Variants in TAF4B observed in about 807,000 individuals in gnomAD.
The protein encoded by TAF4B is TATA-box binding protein associated factor 4b, also known as transcription initiation factor TFIID subunit 4B.
Under a neutral mutation model 86.4 loss-of-function variants are expected in TAF4B, and 38 were observed. The ratio of observed to expected loss-of-function variants is 0.44; its 90% CI spans 0.34 to 0.58. TAF4B has a LOEUF of 0.58. Ranked by LOEUF, TAF4B falls within the 20% of genes least tolerant of loss-of-function variation. The pLI is 0.02. For synonymous variants in TAF4B, 388 were observed against 391.2 expected (o/e 0.99, Z 0.10); for missense variants, 988 against 1,027.6 (o/e 0.96, Z 0.53).
At chr18:26,232,330 G>A (rs1210098864) in intron 1 of TAF4B, among the ~76,000 whole-genome samples, 1 of 152,146 alleles carries the variant, frequency 6.6e-6, no homozygotes, top group Non-Finnish European at 1.5e-5. Context: ...TGCAGTTGTA[G>A]TGTCCTCTGG....
At chr18:26,319,365 G>A (rs1016312055) in intron 10 of TAF4B, among the ~76,000 whole-genome samples, 1 of 150,766 alleles carries the variant, frequency 6.6e-6, no homozygotes, top group African/African-American at 2.4e-5. Context: ...GTGTGGTGGC[G>A]CTTGCCTATA....
At chr18:26,250,876 G>T (rs1403111087) in intron 1 of TAF4B, among the ~76,000 whole-genome samples, 1 of 152,198 alleles carries the variant, frequency 6.6e-6, no homozygotes, top group Non-Finnish European at 1.5e-5. Flanking sequence ...CAAATCAGCT[G>T]TGTAAATGGA....
intron 9 of TAF4B, among the ~76,000 whole-genome samples, chr18:26,297,596 T>C (rs2056679456): frequency 6.6e-6 from 1 of 152,226 alleles, no homozygotes; most frequent in African/African-American, 2.4e-5. Flanking sequence ...ATACAGTTCA[T>C]GTTGTGTCTG....
At chr18:26,386,271 T>G (rs534369700) in intron 14 of TAF4B, among the ~76,000 whole-genome samples, 4 of 152,300 alleles carry the variant, frequency 2.6e-5, no homozygotes, top group African/African-American at 9.6e-5. Context: ...AAACATGAAC[T>G]GTGACCCCTT....
intron 11 of TAF4B, among the ~76,000 whole-genome samples, chr18:26,322,787 G>C (rs1436040691): frequency 6.6e-6 from 1 of 151,764 alleles, no homozygotes; most frequent in East Asian, 1.9e-4. Context: ...TTCAGGCTTA[G>C]TTTGCTCTTC....
chr18:26,261,238 G>A, intron 1 of TAF4B, among the ~76,000 whole-genome samples: 1 of 131,064 alleles, frequency 7.6e-6, no homozygotes, highest in Non-Finnish European at 1.6e-5. Flanking sequence ...CTGGAGTGCA[G>A]TGGCGGGATC....
intron 1 of TAF4B, among the ~76,000 whole-genome samples, chr18:26,240,354 T>C (rs1403585575): frequency 2.5e-4 from 38 of 152,242 alleles, no homozygotes; most frequent in Admixed American, 5.9e-4. Flanking sequence ...CAATTGTGAA[T>C]GGGAGTTCCC....
At chr18:26,296,560 T>A (rs1000084163) in intron 9 of TAF4B, among the ~76,000 whole-genome samples, 20 of 152,116 alleles carry the variant, frequency 1.3e-4, no homozygotes, top group African/African-American at 4.8e-4. Context: ...CTTTATAGTT[T>A]GGAGTTTGGG....
chr18:26,355,877 CA>C (rs1028913841), intron 13 of TAF4B, among the ~76,000 whole-genome samples: 22 of 152,238 alleles, frequency 1.4e-4, no homozygotes, highest in African/African-American at 5.3e-4. Context: ...AGGCCAGCAG[CA>C]ACAAGAGATA....
chr18:26,286,110 G>A lies in TAF4B; in HGVS notation c.1201G>A (p.Gly401Ser). The change falls in exon 7 of 15, where the codon GGT (glycine) becomes AGT (serine). Residue 401 changes from glycine to serine, a missense_variant. Physicochemically the swap from Gly to Ser is moderately conservative, Grantham distance 56. Coordinates refer to ENST00000269142, the MANE Select transcript of TAF4B (RefSeq NM_005640.3). ...VSVQTLNPLA[G>S]PVGAKAGVVT... ...AGTGCAAACTTTGAACCCACTTGCT[G>A]GTCCAGTGGGAGCAAAAGCTGGAGT... 3 of 1,614,206 alleles carry A rather than the reference G, an allele frequency of 1.9e-6. No individual in the cohort carries two copies. The highest frequency in any genetic ancestry group is 2.5e-6 in the Non-Finnish European group (3 of 1,180,026).
chr18:26,365,420 G>A (rs1239832255), intron 14 of TAF4B, among the ~76,000 whole-genome samples: 3 of 152,182 alleles, frequency 2.0e-5, no homozygotes, highest in Non-Finnish European at 4.4e-5. Context: ...TTTTCAGCAG[G>A]CAGCAGAAGC....
Position 26,274,814 on chromosome 18 carries a change from A to G in TAF4B, c.749A>G (p.Asn250Ser), listed in dbSNP as rs2056363698. 1 of 1,614,174 alleles carries G rather than the reference A, an allele frequency of 6.2e-7. No individual in the cohort carries two copies. The highest frequency in any genetic ancestry group is 2.2e-5 in the East Asian group (1 of 44,872). The change falls in exon 4 of 15, where the codon AAT (asparagine) becomes AGT (serine). Residue 250 changes from asparagine to serine, a missense_variant. This residue lies in a region of TAF4B where 747 missense variants were observed against 737.9 expected (regional missense o/e 1.01). Coordinates refer to ENST00000269142, the MANE Select transcript of TAF4B (RefSeq NM_005640.3). Reference protein sequence around the residue: ...KAENSAAVQINLSPTMLENVK... With the variant: ...KAENSAAVQISLSPTMLENVK... ...GAGAACTCAGCAGCTGTTCAGATTAATCTTTCTCCGGTAAGCTCTTACTTG... is the reference window on the plus strand; with the variant it reads ...GAGAACTCAGCAGCTGTTCAGATTAGTCTTTCTCCGGTAAGCTCTTACTTG...
At chr18:26,287,923 T>C (rs1329268961) in intron 7 of TAF4B, among the ~76,000 whole-genome samples, 1 of 152,236 alleles carries the variant, frequency 6.6e-6, no homozygotes, top group Non-Finnish European at 1.5e-5. Context: ...TCTCATCCCT[T>C]CCCACTCTGC....
chr18:26,252,040 C>T (rs2056013608), intron 1 of TAF4B, among the ~76,000 whole-genome samples: 1 of 152,178 alleles, frequency 6.6e-6, no homozygotes, highest in African/African-American at 2.4e-5. Flanking sequence ...TATATTGTCT[C>T]ATTTGGTTCC....
At chr18:26,358,513 A>T (rs574489355) in intron 14 of TAF4B, among the ~76,000 whole-genome samples, 112 of 152,312 alleles carry the variant, frequency 7.4e-4, no homozygotes, top group Middle Eastern at 6.8e-3. Flanking sequence ...GATCGAGACC[A>T]TCCTGTTTAA....
At chr18:26,308,784 A>C (rs2056822828) in intron 9 of TAF4B, among the ~76,000 whole-genome samples, 1 of 150,234 alleles carries the variant, frequency 6.7e-6, no homozygotes, top group Non-Finnish European at 1.5e-5. Context: ...GGACAGGGGA[A>C]TCGCTGGAAC....
intron 1 of TAF4B, among the ~76,000 whole-genome samples, chr18:26,230,576 C>T (rs563158528): frequency 1.3e-5 from 2 of 152,310 alleles, no homozygotes; most frequent in African/African-American, 4.8e-5. Context: ...ATTACTCTGT[C>T]GGTAGTCAGC....
At position 26,236,725 on chromosome 18, in the gene TAF4B, C is replaced by T. The variant is rs150604037; in HGVS notation, c.343+9449C>T. On this transcript the variant is annotated intron_variant, in intron 1 of 14. Transcript: ENST00000269142. Reference sequence around the variant, plus strand: ...TGTCTGAGGGCCATGACTAAGGCTGCGGCCTTTCTCTTACCTTGCTTTTCC... The same window carrying T: ...TGTCTGAGGGCCATGACTAAGGCTGTGGCCTTTCTCTTACCTTGCTTTTCC... Among the ~76,000 whole-genome samples, 1,214 of 152,264 alleles carry T rather than the reference C, an allele frequency of 8.0e-3. 15 individuals are homozygous for T. Among genetic ancestry groups the T allele is most frequent in the African/African-American group, 0.028 (1,144 of 41,544 alleles).
rs570190140 is a variant in TAF4B at position 26,376,192 on chromosome 18, A to G, written c.2422-13653A>G. 3.3e-5 allele frequency among the ~76,000 whole-genome samples: 5 copies of G among 150,968 alleles called. No individual in the cohort carries two copies. The East Asian group carries it at 5.8e-4, about 18-fold the overall frequency. ...ACTATTATGGGTCCTTTATATTTTCATGCGTATTTTAGGATCAGCTTGTTA... is the reference window on the plus strand; with the variant it reads ...ACTATTATGGGTCCTTTATATTTTCGTGCGTATTTTAGGATCAGCTTGTTA... On this transcript the variant is annotated intron_variant, in intron 14 of 14. Transcript: ENST00000269142.
Sources: gnomAD v4.1 joint callset for allele counts (sites outside exome capture counted in the v4.1 genomes callset) on GRCh38, gnomAD v4.1.1 for gene constraint, gnomAD v4.1.1 regional missense constraint, MANE v1.5 for transcripts, NCBI Gene and HGNC (gene_info 2026-07-23, HGNC 2026-07-21) for gene names.